FHIP1A: variants seen among roughly 807,000 people sequenced by gnomAD.
FHIP1A encodes the protein FHF complex subunit HOOK-interacting protein 1A.
In FHIP1A, 61 loss-of-function variants were observed where a neutral mutation model predicts 88.6. That is an observed-to-expected ratio of 0.69 (90% CI 0.56 to 0.85). FHIP1A has a LOEUF of 0.85. FHIP1A is among the 40% of genes least tolerant of loss of function. The pLI is 0.00. For synonymous variants in FHIP1A, 478 were observed against 496.0 expected (o/e 0.96, Z 0.48); for missense variants, 1,154 against 1,273.5 (o/e 0.91, Z 1.43).
chr4:151,561,164 G>A (rs1236628512), intron 3 of FHIP1A, among the ~76,000 whole-genome samples: 7 of 152,054 alleles, frequency 4.6e-5, no homozygotes, highest in Non-Finnish European at 8.8e-5. Context: ...GAAACCATTT[G>A]GAATGTGTGT....
At chr4:151,527,895 T>G (rs530505936) in intron 3 of FHIP1A, among the ~76,000 whole-genome samples, 1 of 133,148 alleles carries the variant, frequency 7.5e-6, no homozygotes, top group South Asian at 2.3e-4. Flanking sequence ...AAGTTGGTTG[T>G]GATTCACTGC....
chr4:151,649,704 C>G lies in FHIP1A; in HGVS notation c.1663C>G (p.Pro555Ala). ...CTCGGCCTGCCCTGTGTTCGGGCTC[C>G]CGCAACAACTCCCCAGGAAGACAGG... ...VSSACPVFGLPQQLPRKTGPQ... is the reference protein window; with the variant it reads ...VSSACPVFGLAQQLPRKTGPQ... Residue 555 changes from proline to alanine, a missense_variant, in exon 11 of 14, where the codon CCG (proline) becomes GCG (alanine). Coordinates refer to ENST00000435205, the MANE Select transcript of FHIP1A (RefSeq NM_001109977.3). 3 of 1,551,526 alleles carry G rather than the reference C, an allele frequency of 1.9e-6. No homozygotes were observed. The highest frequency in any genetic ancestry group is 2.6e-6 in the Non-Finnish European group (3 of 1,146,934).
chr4:151,489,988 A>G (rs1730224485), intron 3 of FHIP1A, among the ~76,000 whole-genome samples: 2 of 152,162 alleles, frequency 1.3e-5, no homozygotes, highest in African/African-American at 4.8e-5. Flanking sequence ...GCAAGGTTAT[A>G]TCCCCCTTCT....
chr4:151,566,947 C>T (rs1200865239), intron 4 of FHIP1A, among the ~76,000 whole-genome samples: 5 of 152,172 alleles, frequency 3.3e-5, no homozygotes, highest in Non-Finnish European at 5.9e-5. Flanking sequence ...GGTGCCTTGA[C>T]TCCAAAGCTC....
At chr4:151,629,908 A>G in intron 8 of FHIP1A, 39 bp downstream of exon 8, 2 of 1,504,374 alleles carry the variant, frequency 1.3e-6, no homozygotes, top group Non-Finnish European at 1.8e-6. Flanking sequence ...TACAACTCAG[A>G]ACAGATTTCA....
intron 7 of FHIP1A, among the ~76,000 whole-genome samples, chr4:151,591,929 G>A (rs1227602761): frequency 2.6e-5 from 4 of 152,040 alleles, no homozygotes; most frequent in South Asian, 2.1e-4. Flanking sequence ...ATATATATAC[G>A]TATGCATGTG....
chr4:151,460,165 G>A (rs758068997), intron 2 of FHIP1A, among the ~76,000 whole-genome samples: 1 of 152,080 alleles, frequency 6.6e-6, no homozygotes, highest in Non-Finnish European at 1.5e-5. Flanking sequence ...TATTTAAAAT[G>A]TGGGTAAATT....
chr4:151,447,758 T>C (rs917993587), intron 1 of FHIP1A, among the ~76,000 whole-genome samples: 1 of 152,118 alleles, frequency 6.6e-6, no homozygotes, highest in African/African-American at 2.4e-5. Context: ...AGTGGTATCC[T>C]TATAAGAAGA....
intron 4 of FHIP1A, among the ~76,000 whole-genome samples, chr4:151,569,441 A>G (rs865953035): frequency 6.6e-6 from 1 of 151,890 alleles, no homozygotes; most frequent in Non-Finnish European, 1.5e-5. Flanking sequence ...AATCCCAGCT[A>G]CTCAGGAGGC....
intron 3 of FHIP1A, among the ~76,000 whole-genome samples, chr4:151,483,504 A>G (rs1729972953): frequency 6.6e-6 from 1 of 152,186 alleles, no homozygotes; most frequent in South Asian, 2.1e-4. Flanking sequence ...CAGTAAAATC[A>G]GACCTCTACC....
At chr4:151,597,728 C>T (rs1284235745) in intron 7 of FHIP1A, among the ~76,000 whole-genome samples, 2 of 152,150 alleles carry the variant, frequency 1.3e-5, no homozygotes, top group Non-Finnish European at 2.9e-5. Context: ...ATGCCCAGCC[C>T]AGAGAGGAGG....
intron 1 of FHIP1A, among the ~76,000 whole-genome samples, chr4:151,422,713 A>G (rs1733219777): frequency 1.3e-5 from 2 of 152,134 alleles, no homozygotes; most frequent in African/African-American, 4.8e-5. Context: ...CAGTGGAGGT[A>G]CTTCACTAGA....
intron 2 of FHIP1A, among the ~76,000 whole-genome samples, chr4:151,455,116 A>G (rs1403058887): frequency 6.6e-6 from 1 of 152,210 alleles, no homozygotes; most frequent in Non-Finnish European, 1.5e-5. Context: ...CAAGTTCACA[A>G]TGTTAAGGAC....
chr4:151,477,573 G>C (rs930106863), intron 2 of FHIP1A, among the ~76,000 whole-genome samples: 2 of 148,574 alleles, frequency 1.3e-5, no homozygotes, highest in Non-Finnish European at 3.0e-5. Flanking sequence ...CAAGAAAATT[G>C]GGGAAAATAT....
intron 8 of FHIP1A, among the ~76,000 whole-genome samples, chr4:151,634,482 T>C (rs1182476078): frequency 1.3e-5 from 2 of 151,738 alleles, no homozygotes; most frequent in Admixed American, 6.6e-5. Flanking sequence ...AGGAAAAAGT[T>C]GGAGAGCTCA....
intron 13 of FHIP1A, among the ~76,000 whole-genome samples, chr4:151,659,016 G>C (rs945347147): frequency 6.6e-6 from 1 of 152,074 alleles, no homozygotes; most frequent in African/African-American, 2.4e-5. Flanking sequence ...CAGGGAAGGG[G>C]TGGGGGTCAC....
intron 3 of FHIP1A, among the ~76,000 whole-genome samples, chr4:151,562,576 T>A (rs1400074026): frequency 6.6e-6 from 1 of 152,214 alleles, no homozygotes; most frequent in East Asian, 1.9e-4. Context: ...GGCCATTCCA[T>A]TTCTTTCCCT....
intron 3 of FHIP1A, among the ~76,000 whole-genome samples, chr4:151,531,577 C>G (rs1731880356): frequency 6.6e-6 from 1 of 151,158 alleles, no homozygotes; most frequent in Admixed American, 6.6e-5. Flanking sequence ...ATGAGACAGA[C>G]TGTTATGGGA....
chr4:151,521,826 G>A (rs1347548331), intron 3 of FHIP1A, among the ~76,000 whole-genome samples: 9 of 152,132 alleles, frequency 5.9e-5, no homozygotes, highest in Non-Finnish European at 1.5e-5. Context: ...CCAGGTTCAA[G>A]TGATCCTCCC....
Sources: allele counts gnomAD v4.1 joint callset (sites outside exome capture counted in the v4.1 genomes callset), GRCh38; gene constraint gnomAD v4.1.1; transcripts MANE v1.5; gene names NCBI Gene and HGNC (gene_info 2026-07-23, HGNC 2026-07-21).